The following MYO10 variants were observed in gnomAD, a reference collection of about 807,000 sequenced individuals.
The protein encoded by MYO10 is myosin X.
Under a neutral mutation model 257.3 loss-of-function variants are expected in MYO10, and 133 were observed. That is an observed-to-expected ratio of 0.52 (90% CI 0.45 to 0.60). The LOEUF is 0.60. Among genes scored for constraint, MYO10 ranks in the 20% least tolerant of loss-of-function variants. MYO10 has a pLI of 0.00. For synonymous variants in MYO10, 1,104 were observed against 1,028.6 expected (o/e 1.07, Z -1.40); for missense variants, 2,399 against 2,635.7 (o/e 0.91, Z 1.97).
intron 4 of MYO10, among the ~76,000 whole-genome samples, chr5:16,786,141 T>C (rs1741572057): frequency 6.6e-6 from 1 of 151,962 alleles, no homozygotes; most frequent in Non-Finnish European, 1.5e-5. Context: ...GAGCAAGAAA[T>C]AGACCATCCC....
At chr5:16,935,047 C>T (rs1369472689) in intron 1 of MYO10, among the ~76,000 whole-genome samples, 5 of 152,194 alleles carry the variant, frequency 3.3e-5, no homozygotes, top group African/African-American at 1.2e-4. Flanking sequence ...AAGTCTCGAT[C>T]CCAAAGGGGG....
chr5:16,681,542 G>C, intron 31 of MYO10, 39 bp from the exon 32 acceptor site: 1 of 1,543,722 alleles, frequency 6.5e-7, no homozygotes, highest in Non-Finnish European at 8.8e-7. Context: ...AAATCTGTGA[G>C]GAGAAACCCC....
intron 1 of MYO10, among the ~76,000 whole-genome samples, chr5:16,928,542 G>A (rs1746200236): frequency 6.6e-6 from 1 of 151,836 alleles, no homozygotes; most frequent in Non-Finnish European, 1.5e-5. Flanking sequence ...GGGACAACCA[G>A]CTTTAGAAAC....
intron 19 of MYO10, among the ~76,000 whole-genome samples, chr5:16,746,205 G>A (rs916928477): frequency 5.3e-5 from 8 of 152,160 alleles, no homozygotes; most frequent in African/African-American, 1.4e-4. Flanking sequence ...AAACTGTCAC[G>A]GTGCTGATGC....
At chr5:16,715,756 A>G (rs35535353) in intron 19 of MYO10, among the ~76,000 whole-genome samples, 3 of 152,056 alleles carry the variant, frequency 2.0e-5, no homozygotes, top group Non-Finnish European at 4.4e-5. Context: ...TGTTAAAAAA[A>G]TTTTTTAAGT....
intron 10 of MYO10, among the ~76,000 whole-genome samples, chr5:16,766,700 C>T (rs1035144713): frequency 4.6e-5 from 7 of 151,860 alleles, no homozygotes; most frequent in Admixed American, 3.9e-4. Flanking sequence ...CTCTTGACCT[C>T]ATGATCTACC....
intron 1 of MYO10, among the ~76,000 whole-genome samples, chr5:16,930,878 T>A (rs944903481): frequency 1.6e-4 from 24 of 152,130 alleles, no homozygotes; most frequent in Admixed American, 1.5e-3. Flanking sequence ...TAATCCAGAC[T>A]TCACCGGAGG....
chr5:16,862,466 T>C lies in MYO10; in HGVS notation c.120+15143A>G, dbSNP rs1470864708. The stretch of plus-strand genomic sequence containing the variant: ...TTCTCTTCTGAAATCACACCGGCAT[T>C]AAATGATGCTGTCTGATTCCCAGGG... On this transcript the variant is annotated intron_variant, in intron 2 of 40. Coordinates refer to ENST00000513610, the MANE Select transcript of MYO10 (RefSeq NM_012334.3). 2.0e-5 allele frequency among the ~76,000 whole-genome samples: 3 copies of C among 152,350 alleles called. No homozygotes were observed. In the East Asian group the frequency reaches 5.8e-4, roughly 29 times the overall value.
chr5:16,701,019 C>A lies in MYO10; in HGVS notation c.3376G>T (p.Gly1126Trp). The change falls in exon 25 of 41, where the codon GGG becomes TGG. Residue 1126 changes from glycine to tryptophan, a missense_variant. Transcript: ENST00000513610. The surrounding 1 kb of genome is among the most constrained non-coding windows in gnomAD (Gnocchi z 8.1). ...TAGGCACCCGAGCTGTTGTAGGTCC[C>A]CACAGAGCAGCGGTAGTCGGGGGAC... ...QWSPDYRCSV[G>W]TYNSSGAYRF... is the part of the protein sequence containing the mutation. 1 of 1,562,460 alleles carries A rather than the reference C, an allele frequency of 6.4e-7. No homozygotes were observed. Among genetic ancestry groups the A allele is most frequent in the Non-Finnish European group, 8.7e-7 (1 of 1,153,476 alleles).
intron 2 of MYO10, among the ~76,000 whole-genome samples, chr5:16,858,013 G>C (rs1333128921): frequency 1.3e-5 from 2 of 152,180 alleles, no homozygotes; most frequent in East Asian, 3.8e-4. Flanking sequence ...TTCTGCTAAA[G>C]GACTGACGGT....
intron 34 of MYO10, among the ~76,000 whole-genome samples, chr5:16,675,727 G>A (rs1024263611): frequency 1.3e-5 from 2 of 152,090 alleles, no homozygotes; most frequent in African/African-American, 4.8e-5. Context: ...GACAGAGTAA[G>A]ACTCTGTCTC....
Position 16,715,854 on chromosome 5 carries a change from G to A in MYO10, c.1930-4609C>T, listed in dbSNP as rs76775203. Among the ~76,000 whole-genome samples the A allele has an allele frequency of 1.7e-3, 257 of 152,160 alleles. 5 individuals are homozygous for A. The East Asian group carries it at 0.045, about 26-fold the overall frequency. On this transcript the variant is annotated intron_variant, in intron 19 of 40. Transcript: ENST00000513610. ...GTGGATCACCTGAGGTCAGCAGTTCGAGACCAGCCTGACCAATATGGTGAA... is the reference window on the plus strand; with the variant it reads ...GTGGATCACCTGAGGTCAGCAGTTCAAGACCAGCCTGACCAATATGGTGAA...
At chr5:16,884,759 C>T (rs966724949) in intron 1 of MYO10, among the ~76,000 whole-genome samples, 1 of 151,262 alleles carries the variant, frequency 6.6e-6, no homozygotes, top group South Asian at 2.1e-4. Flanking sequence ...TCAAAGCACA[C>T]GTGGCTTTTA....
Position 16,766,194 on chromosome 5 carries a change from C to T in MYO10, c.1065G>A (p.Leu355=). The change falls in exon 11 of 41, where the codon TTG becomes TTA. Residue 355 remains leucine, a synonymous_variant. Coordinates refer to ENST00000513610, the MANE Select transcript of MYO10 (RefSeq NM_012334.3). ...GCCCAAGTAACTCCGCAGATCTGCC[C>T]AAAGCTGCAGAGAATAAGACAAAGG... is the stretch of plus-strand genomic sequence containing the variant. ...GGAQVSFKTA[L]GRSAELLGLD... 6.2e-7 allele frequency: 1 copy of T among 1,611,530 alleles called. No individual in the cohort carries two copies.
In MYO10 at chr5:16,735,206, A is replaced by T. The variant is rs574815980; in HGVS notation, c.1929+19622T>A. 3.9e-5 allele frequency among the ~76,000 whole-genome samples: 6 copies of T among 152,288 alleles called. No homozygotes were observed. The South Asian group carries it at 1.2e-3, about 32-fold the overall frequency. On this transcript the variant is annotated intron_variant, in intron 19 of 40. Coordinates refer to ENST00000513610, the MANE Select transcript of MYO10 (RefSeq NM_012334.3). ...TCTAAAGGAGAGGTTGCTTTTATTC[A>T]CTGAGCAAACAGCAACAAATCAACT...
chr5:16,778,072 G>T (rs1741276645), intron 9 of MYO10, among the ~76,000 whole-genome samples: 1 of 151,740 alleles, frequency 6.6e-6, no homozygotes, highest in African/African-American at 2.4e-5. Flanking sequence ...GGCTGGTCTT[G>T]AACTCCTGAC....
chr5:16,681,186 C>T, intron 32 of MYO10, 123 bp downstream of exon 32: 2 of 1,105,424 alleles, frequency 1.8e-6, no homozygotes, highest in Non-Finnish European at 1.3e-6. Flanking sequence ...GAAGATAAAC[C>T]AAGAGGACAA....
At chr5:16,780,175 A>T (rs945107347) in intron 8 of MYO10, among the ~76,000 whole-genome samples, 3 of 152,100 alleles carry the variant, frequency 2.0e-5, no homozygotes, top group Non-Finnish European at 4.4e-5. Flanking sequence ...TACTGGGATT[A>T]CAGGTGTGTG....
intron 2 of MYO10, among the ~76,000 whole-genome samples, chr5:16,848,453 C>T (rs116894658): frequency 0.016 from 2,374 of 152,156 alleles, 73 homozygotes; most frequent in South Asian, 0.084. Flanking sequence ...AGCCATCGCA[C>T]CTGGCTAAAC....
Sources: allele counts gnomAD v4.1 joint callset (sites outside exome capture counted in the v4.1 genomes callset), GRCh38; gene constraint gnomAD v4.1.1; non-coding constraint Gnocchi (gnomAD v3.1); transcripts MANE v1.5; gene names NCBI Gene and HGNC (gene_info 2026-07-23, HGNC 2026-07-21).